CSMD1: variants seen among roughly 807,000 people sequenced by gnomAD.
The protein encoded by CSMD1 is CUB and Sushi multiple domains 1.
Under a neutral mutation model 417.5 loss-of-function variants are expected in CSMD1, and 213 were observed. The ratio of observed to expected loss-of-function variants is 0.51; its 90% CI spans 0.46 to 0.57. The LOEUF is 0.57. CSMD1 is among the 20% of genes least tolerant of loss of function. The probability of loss-of-function intolerance (pLI) is 0.00; values close to 1 mark genes in which losing one functional copy is unlikely to be tolerated. For synonymous variants in CSMD1, 2,862 were observed against 1,736.8 expected (o/e 1.65, Z -16.11); for missense variants, 6,923 against 4,529.7 (o/e 1.53, Z -15.17).
intron 10 of CSMD1, among the ~76,000 whole-genome samples, chr8:3,571,871 G>C (rs1228099089): frequency 6.6e-6 from 1 of 152,106 alleles, no homozygotes; most frequent in Non-Finnish European, 1.5e-5. Context: ...GTCTCCTTCT[G>C]GAAACCTTTT....
At chr8:4,725,940 C>T (rs1236038822) in intron 1 of CSMD1, among the ~76,000 whole-genome samples, 1 of 152,070 alleles carries the variant, frequency 6.6e-6, no homozygotes, top group Non-Finnish European at 1.5e-5. Flanking sequence ...CCAGTAGATA[C>T]ACGGCATTCG....
At position 4,933,805 on chromosome 8, in the gene CSMD1, T is replaced by C. The variant is rs148216191; in HGVS notation, c.85+60527A>G. The stretch of plus-strand genomic sequence containing the variant: ...TCTCTTCCTTCTAAAGGGACCTAGA[T>C]GTGAGCCCGATACATTTATTTTGAT... On this transcript the variant is annotated intron_variant, in intron 1 of 69. Transcript: ENST00000635120. Among the ~76,000 whole-genome samples the C allele has an allele frequency of 4.4e-3, 670 of 152,326 alleles. 4 individuals are homozygous for C. Among genetic ancestry groups the C allele is most frequent in the African/African-American group, 0.015 (620 of 41,588 alleles).
At chr8:3,709,258 T>C (rs6981921) in intron 6 of CSMD1, among the ~76,000 whole-genome samples, 135,476 of 151,792 alleles carry the variant, frequency 0.89, 60,903 homozygotes, top group East Asian at 0.99. Context: ...TTGGCTTTAC[T>C]AAGTGCCCAG....
At chr8:4,662,713 T>C (rs1403721106) in intron 1 of CSMD1, among the ~76,000 whole-genome samples, 3 of 152,188 alleles carry the variant, frequency 2.0e-5, no homozygotes, top group African/African-American at 7.2e-5. Context: ...TTTCAGATGT[T>C]ACGCAATTAT....
At chr8:4,286,495 T>G (rs543127799) in intron 3 of CSMD1, among the ~76,000 whole-genome samples, 30 of 152,070 alleles carry the variant, frequency 2.0e-4, no homozygotes, top group Admixed American at 3.9e-4. Flanking sequence ...AAGACGGTTG[T>G]GGCACAGGAA....
intron 3 of CSMD1, among the ~76,000 whole-genome samples, chr8:4,034,334 G>A (rs1797507481): frequency 6.6e-6 from 1 of 152,288 alleles, no homozygotes; most frequent in Non-Finnish European, 1.5e-5. Flanking sequence ...TAGTCAAAGT[G>A]TATTCAGTTC....
chr8:3,997,620 C>T (rs1815316341), intron 5 of CSMD1, among the ~76,000 whole-genome samples: 1 of 152,202 alleles, frequency 6.6e-6, no homozygotes, highest in Non-Finnish European at 1.5e-5. Context: ...AAAACTAACT[C>T]ACCTTACTTG....
intron 3 of CSMD1, among the ~76,000 whole-genome samples, chr8:4,358,523 G>C (rs905988435): frequency 2.0e-5 from 3 of 152,200 alleles, no homozygotes; most frequent in Admixed American, 1.3e-4. Flanking sequence ...GAGCTCCGCA[G>C]ATGCAGAGGT....
intron 10 of CSMD1, among the ~76,000 whole-genome samples, chr8:3,548,372 G>C (rs776525514): frequency 3.3e-5 from 5 of 151,976 alleles, no homozygotes; most frequent in Non-Finnish European, 7.4e-5. Flanking sequence ...GTGGTGATTC[G>C]TGAGATTTTG....
chr8:3,171,542 T>C (rs1354683219), intron 37 of CSMD1, among the ~76,000 whole-genome samples: 2 of 152,170 alleles, frequency 1.3e-5, no homozygotes, highest in Non-Finnish European at 2.9e-5. Flanking sequence ...ACTTATTCCA[T>C]GTCTAGACTC....
At chr8:3,592,684 G>A (rs1800904668) in intron 8 of CSMD1, among the ~76,000 whole-genome samples, 1 of 148,432 alleles carries the variant, frequency 6.7e-6, no homozygotes. Flanking sequence ...CCGTGTGTGT[G>A]TGCACATCCG....
rs188449471 is a variant in CSMD1 at position 3,318,404 on chromosome 8, C to T, written c.3632-9901G>A. Among the ~76,000 whole-genome samples, 18 of 152,254 alleles carry T rather than the reference C, an allele frequency of 1.2e-4. No homozygotes were observed. The East Asian group carries it at 2.1e-3, about 18-fold the overall frequency. ...TCACTTAGCATATGAAGTGCCTGCT[C>T]GGCTTCAGATATTTTGCTAGACGCC... On this transcript the variant is annotated intron_variant, in intron 23 of 69. Coordinates refer to ENST00000635120, the MANE Select transcript of CSMD1 (RefSeq NM_033225.6).
chr8:4,080,165 AT>A (rs1352492157), intron 3 of CSMD1, among the ~76,000 whole-genome samples: 1 of 152,052 alleles, frequency 6.6e-6, no homozygotes, highest in East Asian at 1.9e-4. Flanking sequence ...CAAGCCATGC[AT>A]TTCTATGAAT....
At chr8:3,248,528 T>TTTA (rs1482899310) in intron 26 of CSMD1, among the ~76,000 whole-genome samples, 1 of 132,056 alleles carries the variant, frequency 7.6e-6, no homozygotes, top group Non-Finnish European at 1.7e-5. Flanking sequence ...CCTCCCTTTT[T>TTTA]TTTTTTTTTT....
chr8:4,432,256 G>T (rs944270966), intron 2 of CSMD1, among the ~76,000 whole-genome samples: 1 of 152,094 alleles, frequency 6.6e-6, no homozygotes, highest in African/African-American at 2.4e-5. Context: ...ACTCACACAG[G>T]AACTTAACTG....
intron 1 of CSMD1, among the ~76,000 whole-genome samples, chr8:4,745,765 G>C (rs922120562): frequency 6.6e-6 from 1 of 152,086 alleles, no homozygotes; most frequent in Non-Finnish European, 1.5e-5. Context: ...AAATCTATAG[G>C]AACACGCATT....
At chr8:4,930,888 C>T (rs1358429931) in intron 1 of CSMD1, among the ~76,000 whole-genome samples, 1 of 152,116 alleles carries the variant, frequency 6.6e-6, no homozygotes, top group Non-Finnish European at 1.5e-5. Context: ...TACTGTATGT[C>T]TAGTTTTCTG....
chr8:3,822,607 A>G (rs1801801788), intron 5 of CSMD1, among the ~76,000 whole-genome samples: 1 of 152,118 alleles, frequency 6.6e-6, no homozygotes, highest in Admixed American at 6.6e-5. Context: ...TCTGGGCACC[A>G]CCTTCTGTCA....
intron 3 of CSMD1, among the ~76,000 whole-genome samples, chr8:4,128,162 C>T (rs1474482460): frequency 6.6e-6 from 1 of 152,070 alleles, no homozygotes; most frequent in Non-Finnish European, 1.5e-5. Context: ...AAAGTTTGCA[C>T]TCTTGGTCGG....
Sources: gnomAD v4.1 joint callset for allele counts (sites outside exome capture counted in the v4.1 genomes callset) on GRCh38, gnomAD v4.1.1 for gene constraint, MANE v1.5 for transcripts, NCBI Gene and HGNC (gene_info 2026-07-23, HGNC 2026-07-21) for gene names.